Variants in GPC5 observed in about 807,000 individuals in gnomAD.
GPC5 encodes glypican 5.
In GPC5, 47 loss-of-function variants were observed where a neutral mutation model predicts 53.9. The ratio of observed to expected loss-of-function variants is 0.87; its 90% CI spans 0.69 to 1.11. The LOEUF (loss-of-function observed/expected upper bound fraction) is 1.11, where lower values mean the gene tolerates loss of function less well. GPC5 is among the 50% of genes most tolerant of loss of function. The pLI, the probability that GPC5 is intolerant of heterozygous loss-of-function variation, is 0.00. For synonymous variants in GPC5, 286 were observed against 263.3 expected (o/e 1.09, Z -0.84); for missense variants, 748 against 713.1 (o/e 1.05, Z -0.56).
chr13:92,673,553 A>G (rs761252333), intron 7 of GPC5, among the ~76,000 whole-genome samples: 1 of 152,048 alleles, frequency 6.6e-6, no homozygotes, highest in Non-Finnish European at 1.5e-5. Context: ...ATGAGCCACC[A>G]CACCCAGCCA....
At chr13:91,668,725 T>C (rs553131652) in intron 2 of GPC5, among the ~76,000 whole-genome samples, 2 of 152,302 alleles carry the variant, frequency 1.3e-5, no homozygotes, top group East Asian at 3.9e-4. Context: ...AATGTAAAAG[T>C]CCAGTTGGTT....
chr13:91,967,006 G>A (rs1452109941), intron 6 of GPC5, among the ~76,000 whole-genome samples: 3 of 152,066 alleles, frequency 2.0e-5, no homozygotes, highest in Non-Finnish European at 4.4e-5. Context: ...GCATACTCAC[G>A]CTACTGATAA....
At chr13:92,568,692 C>G (rs1363345084) in intron 7 of GPC5, among the ~76,000 whole-genome samples, 1 of 152,126 alleles carries the variant, frequency 6.6e-6, no homozygotes, top group Non-Finnish European at 1.5e-5. Flanking sequence ...AGGGCTGGCC[C>G]TGTACTAAGT....
At chr13:91,784,407 A>G (rs1465831019) in intron 5 of GPC5, among the ~76,000 whole-genome samples, 1 of 152,162 alleles carries the variant, frequency 6.6e-6, no homozygotes, top group Non-Finnish European at 1.5e-5. Flanking sequence ...TGAATAAAGC[A>G]GGGAAAAGTC....
At position 92,016,938 on chromosome 13, in the gene GPC5, G is replaced by T. The variant is rs535500632; in HGVS notation, c.1401+108881G>T. ...CTCTACTGATATTATAGGGAGTACAGTGGCCTCATTACCTCTGGACAATGG... is the reference window on the plus strand; with the variant it reads ...CTCTACTGATATTATAGGGAGTACATTGGCCTCATTACCTCTGGACAATGG... On this transcript the variant is annotated intron_variant, in intron 6 of 7. Coordinates refer to ENST00000377067, the MANE Select transcript of GPC5 (RefSeq NM_004466.6). Among the ~76,000 whole-genome samples the T allele has an allele frequency of 8.7e-4, 132 of 152,208 alleles. 1 individual carries two copies. The Middle Eastern group carries it at 0.034, about 39-fold the overall frequency.
chr13:91,996,807 T>C (rs1406691134), intron 6 of GPC5, among the ~76,000 whole-genome samples: 1 of 152,208 alleles, frequency 6.6e-6, no homozygotes, highest in East Asian at 1.9e-4. Context: ...TCTGTCTCCT[T>C]TCATTGAACA....
chr13:92,785,124 A>G (rs1013255644), intron 7 of GPC5, among the ~76,000 whole-genome samples: 1 of 152,044 alleles, frequency 6.6e-6, no homozygotes, highest in African/African-American at 2.4e-5. Context: ...TTAAATACAA[A>G]AATTAGTTGC....
At chr13:91,886,468 T>C (rs1242764950) in intron 5 of GPC5, among the ~76,000 whole-genome samples, 1 of 152,202 alleles carries the variant, frequency 6.6e-6, no homozygotes, top group African/African-American at 2.4e-5. Flanking sequence ...AAATCAATCA[T>C]GTCTTCCCAA....
chr13:92,639,727 A>G (rs1476397294), intron 7 of GPC5, among the ~76,000 whole-genome samples: 1 of 152,206 alleles, frequency 6.6e-6, no homozygotes, highest in Non-Finnish European at 1.5e-5. Context: ...GTATCTGTAC[A>G]TGGGTAGGGG....
chr13:92,335,064 C>T (rs2043312889), intron 7 of GPC5, among the ~76,000 whole-genome samples: 1 of 152,144 alleles, frequency 6.6e-6, no homozygotes, highest in Admixed American at 6.5e-5. Context: ...AGTGAGGACT[C>T]TGTGGGTTGG....
chr13:91,571,821 GTATATATACACATATACTTGTGTGTA>G (rs2031820500), intron 2 of GPC5, among the ~76,000 whole-genome samples: 1 of 94,214 alleles, frequency 1.1e-5, no homozygotes, highest in Non-Finnish European at 2.0e-5. Context: ...ATACGTGTGT[GTATATATACACATATACTTGTGTGTA>G]TATACACATA....
chr13:92,173,239 A>G (rs2042083313), intron 7 of GPC5, among the ~76,000 whole-genome samples: 2 of 151,986 alleles, frequency 1.3e-5, no homozygotes, highest in East Asian at 2.0e-4. Context: ...GAGATCGGCC[A>G]TTCTCACCTA....
At chr13:92,385,776 CATATATGTATATATATACATATAT>C (rs1364697943) in intron 7 of GPC5, among the ~76,000 whole-genome samples, 14 of 136,548 alleles carry the variant, frequency 1.0e-4, no homozygotes, top group African/African-American at 3.5e-4. Context: ...CGTATATATA[CATATATGTATATATATACATATAT>C]ACGTATATAT....
At chr13:92,346,685 T>C (rs1291380449) in intron 7 of GPC5, among the ~76,000 whole-genome samples, 4 of 152,150 alleles carry the variant, frequency 2.6e-5, no homozygotes, top group Non-Finnish European at 5.9e-5. Context: ...GGGAAACTAA[T>C]AAAGCTCCAA....
At chr13:92,558,808 TA>T (rs1882592095) in intron 7 of GPC5, among the ~76,000 whole-genome samples, 1 of 151,962 alleles carries the variant, frequency 6.6e-6, no homozygotes, top group Non-Finnish European at 1.5e-5. Context: ...AATACCTGAA[TA>T]AATATTGATA....
chr13:91,784,031 GA>G (rs1471877384), intron 5 of GPC5, among the ~76,000 whole-genome samples: 1 of 152,074 alleles, frequency 6.6e-6, no homozygotes, highest in East Asian at 1.9e-4. Flanking sequence ...TAATTTTTAG[GA>G]AGTACTTTAA....
At chr13:92,605,798 A>AG (rs1246646049) in intron 7 of GPC5, among the ~76,000 whole-genome samples, 2 of 151,788 alleles carry the variant, frequency 1.3e-5, no homozygotes, top group Non-Finnish European at 2.9e-5. Context: ...TAGGACACCA[A>AG]GGGAAAAAAA....
chr13:92,752,613 C>T (rs1415699108), intron 7 of GPC5, among the ~76,000 whole-genome samples: 5 of 152,078 alleles, frequency 3.3e-5, no homozygotes, highest in East Asian at 2.0e-4. Context: ...AGACAGTGGG[C>T]GCAGGTCAGT....
chr13:91,534,893 C>T lies in GPC5; in HGVS notation c.325+85971C>T, dbSNP rs778099435. 4.3e-4 allele frequency among the ~76,000 whole-genome samples: 65 copies of T among 152,284 alleles called. 1 individual carries two copies. The highest frequency in any genetic ancestry group is 3.3e-4 in the Admixed American group (5 of 15,292). Reference sequence around the variant, plus strand: ...ACTTCGACAGCCATATTCTGATCCCCGTTCTTCTTCACAGTGTGGCCAGGA... The same window carrying T: ...ACTTCGACAGCCATATTCTGATCCCTGTTCTTCTTCACAGTGTGGCCAGGA... On this transcript the variant is annotated intron_variant, in intron 2 of 7. Transcript: ENST00000377067.
Sources: allele counts gnomAD v4.1 joint callset (sites outside exome capture counted in the v4.1 genomes callset), GRCh38; gene constraint gnomAD v4.1.1; transcripts MANE v1.5; gene names NCBI Gene and HGNC (gene_info 2026-07-23, HGNC 2026-07-21).